The following UBE4B variants were observed in gnomAD, a reference collection of about 807,000 sequenced individuals.
UBE4B encodes ubiquitination factor E4B.
A neutral mutation model predicts 148.1 loss-of-function variants in UBE4B; 27 were observed. The ratio of observed to expected loss-of-function variants is 0.18; its 90% CI spans 0.13 to 0.25. UBE4B has a LOEUF of 0.25. Ranked by LOEUF, UBE4B falls within the 10% of genes least tolerant of loss-of-function variation. UBE4B has a pLI of 1.00. For missense variants in UBE4B, 1,170 were observed against 1,662.4 expected (o/e 0.70, Z 5.15); for synonymous variants, 596 against 619.3 (o/e 0.96, Z 0.56).
chr1:10,076,186 T>C (rs1025383668), intron 2 of UBE4B, among the ~76,000 whole-genome samples: 5 of 152,112 alleles, frequency 3.3e-5, no homozygotes, highest in African/African-American at 7.2e-5. Context: ...AGATTTATTA[T>C]CCACCGAATG....
At chr1:10,038,879 G>A (rs1027047560) in intron 1 of UBE4B, among the ~76,000 whole-genome samples, 17 of 152,118 alleles carry the variant, frequency 1.1e-4, no homozygotes, top group South Asian at 6.2e-4. Context: ...GGCGGATCAC[G>A]TGAAACCCCG....
At chr1:10,043,214 G>A (rs1270209339) in intron 1 of UBE4B, among the ~76,000 whole-genome samples, 1 of 151,462 alleles carries the variant, frequency 6.6e-6, no homozygotes, top group Non-Finnish European at 1.5e-5. Flanking sequence ...TTACCATGTT[G>A]ACCAGGCTGG....
chr1:10,153,320 A>C (rs1646008946), intron 21 of UBE4B, among the ~76,000 whole-genome samples: 1 of 151,612 alleles, frequency 6.6e-6, no homozygotes, highest in Admixed American at 6.6e-5. Context: ...AGCCTGGGCA[A>C]CATGGCGAGA....
At chr1:10,059,631 G>C (rs577633587) in intron 1 of UBE4B, 2 of 182,136 alleles carry the variant, frequency 1.1e-5, no homozygotes, top group Non-Finnish European at 2.4e-5. Flanking sequence ...CCATGGAAGC[G>C]TGGCTGCTTA....
chr1:10,107,870 G>A (rs1054000390), intron 7 of UBE4B, among the ~76,000 whole-genome samples: 1 of 152,162 alleles, frequency 6.6e-6, no homozygotes, highest in African/African-American at 2.4e-5. Flanking sequence ...GAGTCACTGT[G>A]TCTGGCCCCA....
At chr1:10,092,806 C>T (rs1184716831) in intron 2 of UBE4B, among the ~76,000 whole-genome samples, 2 of 147,272 alleles carry the variant, frequency 1.4e-5, no homozygotes, top group East Asian at 4.0e-4. Flanking sequence ...CCAGCCTGGG[C>T]AATAAGAGTG....
intron 2 of UBE4B, among the ~76,000 whole-genome samples, chr1:10,094,455 A>G (rs2101872416): frequency 6.7e-6 from 1 of 149,808 alleles, no homozygotes; most frequent in East Asian, 2.0e-4. Context: ...TTTTTTTTAG[A>G]CGGAGTCTTG....
chr1:10,150,646 G>A (rs1279354074), intron 20 of UBE4B, among the ~76,000 whole-genome samples: 2 of 152,068 alleles, frequency 1.3e-5, no homozygotes, highest in African/African-American at 4.8e-5. Flanking sequence ...CAAATCACGA[G>A]GTCAAAAGAT....
intron 25 of UBE4B, among the ~76,000 whole-genome samples, chr1:10,177,482 T>A (rs888245296): frequency 1.3e-5 from 2 of 152,080 alleles, no homozygotes; most frequent in Non-Finnish European, 2.9e-5. Flanking sequence ...AAAGCGAGAC[T>A]CCGTCTCAAA....
intron 4 of UBE4B, among the ~76,000 whole-genome samples, chr1:10,102,200 T>C (rs1645024241): frequency 6.6e-6 from 1 of 152,024 alleles, no homozygotes; most frequent in South Asian, 2.1e-4. Context: ...CAAAATTCTT[T>C]TTTATATGCT....
intron 18 of UBE4B, 133 bp from the exon 19 acceptor site, chr1:10,146,830 C>A: frequency 9.1e-7 from 1 of 1,098,830 alleles, no homozygotes; most frequent in Non-Finnish European, 1.3e-6. Flanking sequence ...CATCTTATAG[C>A]TAGTTAGGAG....
At chr1:10,070,996 C>T (rs1276262573) in intron 1 of UBE4B, among the ~76,000 whole-genome samples, 1 of 152,010 alleles carries the variant, frequency 6.6e-6, no homozygotes, top group East Asian at 1.9e-4. Context: ...ACTGCAATTG[C>T]CCTCCACCTC....
chr1:10,137,921 C>CTTTTTTTTTTTT lies in UBE4B; in HGVS notation c.2363+736_2363+747dup, dbSNP rs70998351. On this transcript the variant is annotated intron_variant, in intron 17 of 27. Coordinates refer to ENST00000343090, the MANE Select transcript of UBE4B (RefSeq NM_001105562.3). ...ACCTTGCTTAAATCACTTACTAATT[C>CTTTTTTTTTTTT]TTTTTTTTTTTTTTTTTTTTTTTTT... is the stretch of plus-strand genomic sequence containing the variant. Among the ~76,000 whole-genome samples, 8 of 67,030 alleles carry CTTTTTTTTTTTT rather than the reference C, an allele frequency of 1.2e-4. 1 individual carries two copies. The highest frequency in any genetic ancestry group is 1.5e-4 in the Non-Finnish European group (6 of 40,928). The allele number at this position is 67,030 out of a possible 152,430, so 44.0% of individuals were successfully genotyped here.
intron 3 of UBE4B, among the ~76,000 whole-genome samples, chr1:10,096,844 A>T (rs1038090004): frequency 2.0e-5 from 3 of 152,054 alleles, no homozygotes; most frequent in Admixed American, 2.0e-4. Context: ...TTCAAGACCA[A>T]CCTGTCCAAC....
At chr1:10,162,697 C>T (rs958592778) in intron 23 of UBE4B, among the ~76,000 whole-genome samples, 4 of 151,204 alleles carry the variant, frequency 2.6e-5, no homozygotes, top group Admixed American at 6.6e-5. Flanking sequence ...ATGGGTATAC[C>T]GTGATGCTGA....
chr1:10,162,555 G>A (rs935961876), intron 23 of UBE4B, among the ~76,000 whole-genome samples: 35 of 150,342 alleles, frequency 2.3e-4, no homozygotes, highest in Admixed American at 1.5e-3. Flanking sequence ...TGATCCATCC[G>A]CCTCAGCCTC....
chr1:10,058,125 C>T (rs932191648), intron 1 of UBE4B, among the ~76,000 whole-genome samples: 2 of 152,252 alleles, frequency 1.3e-5, no homozygotes, highest in Admixed American at 1.3e-4. Flanking sequence ...TGAGCTGTAG[C>T]GGAGTGCTTG....
chr1:10,083,089 A>G (rs554298395), intron 2 of UBE4B, among the ~76,000 whole-genome samples: 1 of 152,010 alleles, frequency 6.6e-6, no homozygotes, highest in East Asian at 1.9e-4. Flanking sequence ...TGTCTTTGCT[A>G]TTGTAAATAG....
chr1:10,139,316 G>A (rs1038090292), intron 17 of UBE4B, among the ~76,000 whole-genome samples: 22 of 152,078 alleles, frequency 1.4e-4, no homozygotes, highest in Non-Finnish European at 4.4e-5. Context: ...GCTTGAACCC[G>A]GGAGGCGGAG....
Sources: allele counts gnomAD v4.1 joint callset (sites outside exome capture counted in the v4.1 genomes callset), GRCh38; gene constraint gnomAD v4.1.1; transcripts MANE v1.5; gene names NCBI Gene and HGNC (gene_info 2026-07-23, HGNC 2026-07-21).